KRABD5: variants seen among roughly 807,000 people sequenced by gnomAD.
KRABD5 encodes KRAB domain-containing protein 5.
chr16:31,754,217 CGAG>C, the KRABD5 span: 12 of 665,538 alleles, frequency 1.8e-5, no homozygotes, highest in South Asian at 1.8e-4. Flanking sequence ...GATTTAAAAA[CGAG>C]GAGGTGATTT....
chr16:31,757,651 G>C, the KRABD5 span: 21 of 152,288 alleles, frequency 1.4e-4, no homozygotes, highest in African/African-American at 5.1e-4. Context: ...TAGCAATTCT[G>C]AAACAGTTTT....
the KRABD5 span, chr16:31,756,813 A>C: frequency 6.6e-6 from 1 of 152,180 alleles, no homozygotes; most frequent in African/African-American, 2.4e-5. Context: ...GAATATACAG[A>C]TGTACTAAGA....
At chr16:31,739,788 A>G in the KRABD5 span, among the ~76,000 whole-genome samples, 41 of 152,238 alleles carry the variant, frequency 2.7e-4, no homozygotes, top group Admixed American at 5.2e-4. Context: ...CGTGATGGCC[A>G]TAACGCCCAT....
the KRABD5 span, chr16:31,722,624 A>G: frequency 6.2e-7 from 1 of 1,612,646 alleles, no homozygotes; most frequent in South Asian, 1.1e-5. Context: ...TTTTTATTTC[A>G]GGGACTGTTG....
the KRABD5 span, among the ~76,000 whole-genome samples, chr16:31,749,939 T>C: frequency 1.2e-4 from 19 of 152,374 alleles, no homozygotes; most frequent in African/African-American, 4.6e-4. Context: ...TTGGTGACTG[T>C]AGGCTTATAG....
the KRABD5 span, among the ~76,000 whole-genome samples, chr16:31,745,224 T>G: frequency 1.3e-5 from 2 of 152,302 alleles, no homozygotes; most frequent in Non-Finnish European, 2.9e-5. Flanking sequence ...GGTGTTGATT[T>G]GAGATTTTTC....
the KRABD5 span, chr16:31,713,596 C>A: frequency 9.2e-7 from 1 of 1,085,424 alleles, no homozygotes. Flanking sequence ...GGGCCGGCAG[C>A]CGGGACCCCG....
chr16:31,716,676 G>A, the KRABD5 span, among the ~76,000 whole-genome samples: 7 of 152,042 alleles, frequency 4.6e-5, no homozygotes, highest in African/African-American at 9.7e-5. Context: ...CACCATGCCT[G>A]GCCCACAAAC....
chr16:31,719,844 T>A, the KRABD5 span, among the ~76,000 whole-genome samples: 1 of 152,232 alleles, frequency 6.6e-6, no homozygotes, highest in East Asian at 1.9e-4. Context: ...TTTCCATTCC[T>A]GCAGACCCAG....
the KRABD5 span, chr16:31,758,379 G>C: frequency 6.6e-6 from 1 of 152,162 alleles, no homozygotes; most frequent in Non-Finnish European, 1.5e-5. Flanking sequence ...AATGTAGTTG[G>C]ATAATGCAAA....
At chr16:31,740,203 G>A in the KRABD5 span, among the ~76,000 whole-genome samples, 69 of 152,214 alleles carry the variant, frequency 4.5e-4, no homozygotes, top group Admixed American at 9.2e-4. Context: ...AGGTCTCCAC[G>A]ACCGAGCTGG....
At chr16:31,751,479 A>G in the KRABD5 span, among the ~76,000 whole-genome samples, 1 of 152,122 alleles carries the variant, frequency 6.6e-6, no homozygotes, top group African/African-American at 2.4e-5. Flanking sequence ...TGGTTTGTTC[A>G]GGGTTTCAGT....
the KRABD5 span, among the ~76,000 whole-genome samples, chr16:31,715,968 G>A: frequency 6.6e-6 from 1 of 152,142 alleles, no homozygotes; most frequent in Non-Finnish European, 1.5e-5. Flanking sequence ...GAAGTTCTGA[G>A]AACAGACCCC....
At chr16:31,752,150 A>T in the KRABD5 span, among the ~76,000 whole-genome samples, 2 of 152,140 alleles carry the variant, frequency 1.3e-5, no homozygotes, top group South Asian at 2.1e-4. Flanking sequence ...TTTTTAATTT[A>T]TTGAGACTTG....
chr16:31,748,373 T>C, the KRABD5 span, among the ~76,000 whole-genome samples: 2 of 152,250 alleles, frequency 1.3e-5, no homozygotes, highest in Non-Finnish European at 2.9e-5. Flanking sequence ...ACCAGAACCA[T>C]GCTGTTTTGG....
At chr16:31,725,100 C>T in the KRABD5 span, among the ~76,000 whole-genome samples, 18 of 137,702 alleles carry the variant, frequency 1.3e-4, no homozygotes, top group African/African-American at 4.5e-4. Context: ...ATCTCTTTAA[C>T]ATACTGATTT....
chr16:31,729,439 C>T, the KRABD5 span, among the ~76,000 whole-genome samples: 1 of 152,134 alleles, frequency 6.6e-6, no homozygotes, highest in Non-Finnish European at 1.5e-5. Flanking sequence ...GGAGAGAGCT[C>T]CCTTTTATAA....
chr16:31,730,413 C>A, the KRABD5 span, among the ~76,000 whole-genome samples: 1 of 152,182 alleles, frequency 6.6e-6, no homozygotes, highest in African/African-American at 2.4e-5. Context: ...GCTAAAAAAT[C>A]TACTGATAAC....
At chr16:31,726,722 T>C in the KRABD5 span, among the ~76,000 whole-genome samples, 8 of 152,180 alleles carry the variant, frequency 5.3e-5, no homozygotes, top group Non-Finnish European at 8.8e-5. Context: ...ATCACGCCAC[T>C]GCACTCCATC....
Sources: allele counts gnomAD v4.1 joint callset (sites outside exome capture counted in the v4.1 genomes callset), GRCh38; gene constraint gnomAD v4.1.1; transcripts MANE v1.5; gene names NCBI Gene and HGNC (gene_info 2026-07-23, HGNC 2026-07-21).